Variants in SCAF8 observed in about 807,000 individuals in gnomAD.
SCAF8 encodes the protein SR-related and CTD-associated factor 8.
A neutral mutation model predicts 140.5 loss-of-function variants in SCAF8; 23 were observed. The observed-to-expected ratio is 0.16, with a 90% CI of 0.12 to 0.23. SCAF8 has a LOEUF of 0.23. Among genes scored for constraint, SCAF8 ranks in the 10% least tolerant of loss-of-function variants. The pLI, the probability that SCAF8 is intolerant of heterozygous loss-of-function variation, is 1.00. For missense variants in SCAF8, 1,397 were observed against 1,555.7 expected (o/e 0.90, Z 1.72); for synonymous variants, 575 against 528.9 (o/e 1.09, Z -1.20).
At chr6:154,785,164 T>C (rs1777214724) in intron 3 of SCAF8, among the ~76,000 whole-genome samples, 1 of 152,050 alleles carries the variant, frequency 6.6e-6, no homozygotes, top group Non-Finnish European at 1.5e-5. Context: ...TTCATTCTTG[T>C]GGTGTGTAGC....
Position 154,827,164 on chromosome 6 carries a change from C to G in SCAF8, c.2072-8C>G. ...GTGCTATTTTTTGGGGTTTTTTTTT[C>G]TGTCTAGGTTTCATGCCGCCTCCAG... On this transcript the variant is annotated splice_polypyrimidine_tract_variant and splice_region_variant and intron_variant, in intron 17 of 19. Coordinates refer to ENST00000367178, the MANE Select transcript of SCAF8 (RefSeq NM_014892.5). 6.3e-7 allele frequency: 1 copy of G among 1,582,084 alleles called. No homozygotes were observed. Among genetic ancestry groups the G allele is most frequent in the Non-Finnish European group, 8.6e-7 (1 of 1,168,756 alleles).
chr6:154,790,695 A>G (rs1777393778), intron 4 of SCAF8, among the ~76,000 whole-genome samples: 1 of 151,628 alleles, frequency 6.6e-6, no homozygotes, highest in South Asian at 2.1e-4. Context: ...TATTTTTAGT[A>G]GAGACTGGGT....
intron 6 of SCAF8, 127 bp downstream of exon 6, chr6:154,795,266 A>G: frequency 2.9e-6 from 2 of 700,062 alleles, no homozygotes; most frequent in Non-Finnish European, 4.3e-6. Context: ...ACCATTATGT[A>G]TACTTTGTTA....
At chr6:154,820,486 T>A (rs1393609890) in intron 15 of SCAF8, among the ~76,000 whole-genome samples, 153 bp downstream of exon 15, 2 of 152,226 alleles carry the variant, frequency 1.3e-5, no homozygotes, top group African/African-American at 4.8e-5. Flanking sequence ...TGTACATGCT[T>A]AATGGGACCT....
chr6:154,809,654 G>A (rs1437135975), intron 11 of SCAF8, among the ~76,000 whole-genome samples: 1 of 152,134 alleles, frequency 6.6e-6, no homozygotes, highest in Non-Finnish European at 1.5e-5. Context: ...TTATGTAGTG[G>A]CCTAATGCTC....
chr6:154,782,891 C>G (rs1777125498), intron 3 of SCAF8, among the ~76,000 whole-genome samples: 1 of 152,128 alleles, frequency 6.6e-6, no homozygotes, highest in African/African-American at 2.4e-5. Flanking sequence ...GGTCTACCTT[C>G]CCCTGCTCAC....
At chr6:154,775,495 A>G (rs541012416) in intron 2 of SCAF8, among the ~76,000 whole-genome samples, 2 of 152,336 alleles carry the variant, frequency 1.3e-5, no homozygotes, top group African/African-American at 2.4e-5. Flanking sequence ...TTAATGAGGT[A>G]TAGGTGCAAA....
intron 3 of SCAF8, among the ~76,000 whole-genome samples, chr6:154,784,769 C>CT (rs1281130873): frequency 6.6e-6 from 1 of 152,176 alleles, no homozygotes; most frequent in Non-Finnish European, 1.5e-5. Flanking sequence ...CTTCAGGGGT[C>CT]TTGGAACGAA....
At chr6:154,777,187 GAA>G (rs113761597) in intron 2 of SCAF8, among the ~76,000 whole-genome samples, 1 of 141,586 alleles carries the variant, frequency 7.1e-6, no homozygotes, top group Non-Finnish European at 1.5e-5. Context: ...TCTCCAAGGG[GAA>G]AAAAAAAAAA....
At chr6:154,824,703 G>A (rs1291618536) in intron 17 of SCAF8, among the ~76,000 whole-genome samples, 2 of 152,144 alleles carry the variant, frequency 1.3e-5, no homozygotes, top group African/African-American at 4.8e-5. Context: ...AGCACTTAGG[G>A]AGGCCAAGGT....
chr6:154,786,590 C>T (rs1777265801), intron 3 of SCAF8, among the ~76,000 whole-genome samples: 1 of 152,178 alleles, frequency 6.6e-6, no homozygotes, highest in African/African-American at 2.4e-5. Flanking sequence ...AATTCCCTCC[C>T]AAGGTTAGTT....
At chr6:154,733,407 G>C (rs1300828684), upstream of SCAF8, 4 of 1,395,718 alleles carry the variant, frequency 2.9e-6, no homozygotes, top group Non-Finnish European at 3.7e-6. Flanking sequence ...GGCCCGACTC[G>C]AGTCCGCCAT....
At chr6:154,827,818 C>A (rs1189993293) in intron 18 of SCAF8, among the ~76,000 whole-genome samples, 2 of 110,550 alleles carry the variant, frequency 1.8e-5, no homozygotes, top group Non-Finnish European at 3.8e-5. Context: ...TGCCCCACAC[C>A]TTTTTTGGGG....
chr6:154,774,589 C>G (rs1032510680), intron 2 of SCAF8, among the ~76,000 whole-genome samples: 7 of 151,976 alleles, frequency 4.6e-5, no homozygotes, highest in Non-Finnish European at 8.8e-5. Flanking sequence ...GTAAAAGTTT[C>G]TATATATTGA....
In SCAF8 at chr6:154,827,233, A is replaced by G. The variant is rs150776393; in HGVS notation, c.2133A>G (p.Val711=). 1.0e-5 allele frequency: 16 copies of G among 1,599,096 alleles called. No individual in the cohort carries two copies. The African/African-American group carries it at 1.6e-4, about 16-fold the overall frequency. Reference sequence around the variant, plus strand: ...CACCCCCTACGATTCCACCAGTAGTACCAACATGTAAGTTTTCTACTTTTA... The same window carrying G: ...CACCCCCTACGATTCCACCAGTAGTGCCAACATGTAAGTTTTCTACTTTTA... ...VVPPPTIPPV[V]PTSLVQPSLS... Residue 711 remains valine (V), a synonymous_variant, in exon 18 of 20, where the codon GTA becomes GTG. Coordinates refer to ENST00000367178, the MANE Select transcript of SCAF8 (RefSeq NM_014892.5).
intron 19 of SCAF8, 115 bp downstream of exon 19, chr6:154,831,255 C>G: frequency 1.6e-6 from 1 of 621,178 alleles, no homozygotes; most frequent in Non-Finnish European, 2.7e-6. Flanking sequence ...AAATGTCGCA[C>G]TTTTTTTTTA....
chr6:154,739,290 C>A (rs1260404535), intron 1 of SCAF8, among the ~76,000 whole-genome samples: 2 of 152,024 alleles, frequency 1.3e-5, no homozygotes, highest in Non-Finnish European at 2.9e-5. Context: ...CTGCCCCTGG[C>A]CAGATTCTTT....
At chr6:154,772,527 A>C (rs754050553) in intron 1 of SCAF8, among the ~76,000 whole-genome samples, 2 of 152,112 alleles carry the variant, frequency 1.3e-5, no homozygotes, top group Non-Finnish European at 2.9e-5. Context: ...CCACCTCTAC[A>C]AAACATATAA....
chr6:154,822,196 A>G, intron 15 of SCAF8, 80 bp from the exon 16 acceptor site: 5 of 1,422,962 alleles, frequency 3.5e-6, no homozygotes, highest in Non-Finnish European at 4.8e-6. Context: ...AAGGATTTAG[A>G]TGTGAAATAA....
Sources: allele counts gnomAD v4.1 joint callset (sites outside exome capture counted in the v4.1 genomes callset), GRCh38; gene constraint gnomAD v4.1.1; transcripts MANE v1.5; gene names NCBI Gene and HGNC (gene_info 2026-07-23, HGNC 2026-07-21).